SGK3: variants seen among roughly 807,000 people sequenced by gnomAD.
The protein encoded by SGK3 is serine/threonine-protein kinase Sgk3.
In SGK3, 47 loss-of-function variants were observed where a neutral mutation model predicts 68.5. The ratio of observed to expected loss-of-function variants is 0.69; its 90% CI spans 0.54 to 0.87. SGK3 has a LOEUF of 0.87. Ranked by LOEUF, SGK3 falls within the 40% of genes least tolerant of loss-of-function variation. The pLI is 0.00. For synonymous variants in SGK3, 181 were observed against 189.1 expected (o/e 0.96, Z 0.35); for missense variants, 479 against 575.5 (o/e 0.83, Z 1.72).
rs1033423156 is a variant in SGK3 at position 66,861,996 on chromosome 8, G to A, written c.*2415G>A. The A allele has an allele frequency of 6.6e-6, 1 of 151,922 alleles. No homozygotes were observed. The highest frequency in any genetic ancestry group is 2.4e-5 in the African/African-American group (1 of 41,340). The allele number at this position is 151,922 out of a possible 1,614,324, so 9.4% of individuals were successfully genotyped here. On this transcript the variant is annotated 3_prime_UTR_variant, in exon 17 of 17. Coordinates refer to ENST00000521198, the MANE Select transcript of SGK3 (RefSeq NM_001033578.3). Reference sequence around the variant, plus strand: ...ATCACAAGAAATACAAATCTATATAGTATAATAAAATCAGCAAAAAGATCA... The same window carrying A: ...ATCACAAGAAATACAAATCTATATAATATAATAAAATCAGCAAAAAGATCA...
At chr8:66,830,310 C>G (rs1809253890) in intron 7 of SGK3, among the ~76,000 whole-genome samples, 1 of 152,124 alleles carries the variant, frequency 6.6e-6, no homozygotes, top group South Asian at 2.1e-4. Context: ...CTCTGCATAT[C>G]TTTAAAGAAG....
At chr8:66,751,117 C>T (rs1400228566) in intron 1 of SGK3, among the ~76,000 whole-genome samples, 5 of 151,780 alleles carry the variant, frequency 3.3e-5, no homozygotes, top group South Asian at 4.2e-4. Context: ...AGCTAACACA[C>T]GGTGAAACCC....
chr8:66,789,888 G>A (rs949879259), intron 1 of SGK3, among the ~76,000 whole-genome samples: 1 of 152,028 alleles, frequency 6.6e-6, no homozygotes, highest in Admixed American at 6.6e-5. Context: ...GACCAGCCTG[G>A]TCATCATGAC....
chr8:66,806,852 A>G (rs1419812051), intron 4 of SGK3, among the ~76,000 whole-genome samples: 1 of 151,616 alleles, frequency 6.6e-6, no homozygotes, highest in South Asian at 2.1e-4. Context: ...AAGAAATCTT[A>G]TGGAAATGTA....
chr8:66,819,110 C>T (rs1292379991), intron 5 of SGK3, among the ~76,000 whole-genome samples: 2 of 152,152 alleles, frequency 1.3e-5, no homozygotes, highest in South Asian at 2.1e-4. Flanking sequence ...TGGTATCTTA[C>T]TGTTGCTTTA....
chr8:66,807,839 G>A (rs1307890037), intron 4 of SGK3, among the ~76,000 whole-genome samples: 2 of 152,154 alleles, frequency 1.3e-5, no homozygotes, highest in East Asian at 1.9e-4. Context: ...ACTGTGTATT[G>A]TGACACAATT....
At chr8:66,836,771 CTTTTTTTTTT>C (rs35857638) in intron 10 of SGK3, among the ~76,000 whole-genome samples, 1 of 118,098 alleles carries the variant, frequency 8.5e-6, no homozygotes, top group Admixed American at 9.1e-5. Context: ...GTCAGGATAT[CTTTTTTTTTT>C]TTTTTTTTTT....
At chr8:66,845,639 C>T (rs1398902127) in intron 14 of SGK3, among the ~76,000 whole-genome samples, 1 of 152,110 alleles carries the variant, frequency 6.6e-6, no homozygotes, top group Non-Finnish European at 1.5e-5. Context: ...GCTTCTCCCA[C>T]CTCAGCCTGC....
At chr8:66,738,328 C>T (rs1805382872) in intron 1 of SGK3, among the ~76,000 whole-genome samples, 2 of 152,162 alleles carry the variant, frequency 1.3e-5, no homozygotes, top group Non-Finnish European at 2.9e-5. Flanking sequence ...TATCTCTATA[C>T]TTAATTGTGA....
rs545436653 is a variant in SGK3, at chr8:66,816,156, C to T, written c.329+2228C>T. ...CTGGGACTACAGGGGCGCACCACCACGCCCACCTAATTTTTTTTTGTATTT... is the reference window on the plus strand; with the variant it reads ...CTGGGACTACAGGGGCGCACCACCATGCCCACCTAATTTTTTTTTGTATTT... On this transcript the variant is annotated intron_variant, in intron 5 of 16. Transcript: ENST00000521198. Among the ~76,000 whole-genome samples the T allele has an allele frequency of 1.2e-4, 18 of 151,994 alleles. No homozygotes were observed. The South Asian group carries it at 1.5e-3, about 12-fold the overall frequency.
At chr8:66,834,853 T>C (rs1209169458) in intron 8 of SGK3, among the ~76,000 whole-genome samples, 1 of 147,336 alleles carries the variant, frequency 6.8e-6, no homozygotes, top group East Asian at 2.0e-4. Context: ...GGCAGGAGAA[T>C]GGTGTGAACC....
intron 14 of SGK3, among the ~76,000 whole-genome samples, chr8:66,845,674 C>T (rs1479090790): frequency 1.3e-5 from 2 of 151,416 alleles, no homozygotes; most frequent in African/African-American, 2.4e-5. Context: ...TACAGGCATG[C>T]ACCACCCCAC....
chr8:66,847,864 CT>C (rs34161130), intron 15 of SGK3, among the ~76,000 whole-genome samples: 8,924 of 111,152 alleles, frequency 0.08, 840 homozygotes, highest in African/African-American at 0.25. Context: ...CACTAAGTCA[CT>C]TTTTTTTTTT....
At chr8:66,843,387 A>G (rs1015793968) in intron 13 of SGK3, 65 bp from the exon 14 acceptor site, 111 of 1,505,054 alleles carry the variant, frequency 7.4e-5, no homozygotes, top group Non-Finnish European at 8.6e-5. Context: ...AAATTTCTCA[A>G]TTATTTATAA....
At chr8:66,809,367 C>A (rs1407675045) in intron 4 of SGK3, among the ~76,000 whole-genome samples, 2 of 152,168 alleles carry the variant, frequency 1.3e-5, no homozygotes, top group Admixed American at 6.5e-5. Flanking sequence ...GATCTCAGGG[C>A]AGCTTGCCTG....
chr8:66,778,838 A>G (rs1229627407), intron 1 of SGK3, among the ~76,000 whole-genome samples: 1 of 152,208 alleles, frequency 6.6e-6, no homozygotes, highest in Admixed American at 6.5e-5. Flanking sequence ...AGATGTTTTT[A>G]AAAGTACGCA....
At chr8:66,734,582 A>G (rs1272108724) in intron 1 of SGK3, among the ~76,000 whole-genome samples, 3 of 152,116 alleles carry the variant, frequency 2.0e-5, no homozygotes, top group Non-Finnish European at 4.4e-5. Context: ...TCATAATTCT[A>G]TACACAGTAC....
chr8:66,775,556 C>A (rs992615639), intron 1 of SGK3: 2 of 152,298 alleles, frequency 1.3e-5, no homozygotes, highest in Admixed American at 1.3e-4. Context: ...CTTCGCGGCA[C>A]TCATTCACTG....
At chr8:66,723,366 C>T (rs1804880678) in intron 1 of SGK3, among the ~76,000 whole-genome samples, 1 of 151,076 alleles carries the variant, frequency 6.6e-6, no homozygotes, top group Non-Finnish European at 1.5e-5. Context: ...ATCGCTTGAA[C>T]CCGGGAGGCA....
Sources: gnomAD v4.1 joint callset for allele counts (sites outside exome capture counted in the v4.1 genomes callset) on GRCh38, gnomAD v4.1.1 for gene constraint, MANE v1.5 for transcripts, NCBI Gene and HGNC (gene_info 2026-07-23, HGNC 2026-07-21) for gene names.